APBB1IP: variants seen among roughly 807,000 people sequenced by gnomAD.
The protein encoded by APBB1IP is amyloid beta A4 precursor protein-binding family B member 1-interacting protein.
Under a neutral mutation model 64.9 loss-of-function variants are expected in APBB1IP, and 27 were observed. That is an observed-to-expected ratio of 0.42 (90% CI 0.31 to 0.57). The LOEUF (loss-of-function observed/expected upper bound fraction) is 0.57, where lower values mean the gene tolerates loss of function less well. APBB1IP is among the 20% of genes least tolerant of loss of function. The pLI, the probability that APBB1IP is intolerant of heterozygous loss-of-function variation, is 0.20. For synonymous variants in APBB1IP, 392 were observed against 331.0 expected (o/e 1.18, Z -2.00); for missense variants, 812 against 845.5 (o/e 0.96, Z 0.49).
Position 26,533,545 on chromosome 10 carries a change from G to C in APBB1IP, c.900+20G>C. 1 of 1,526,990 alleles carries C rather than the reference G, an allele frequency of 6.5e-7. No homozygotes were observed. The highest frequency in any genetic ancestry group is 8.9e-7 in the Non-Finnish European group (1 of 1,126,028). The allele number at this position is 1,526,990 out of a possible 1,614,324, so 94.6% of individuals were successfully genotyped here. On this transcript the variant is annotated intron_variant, in intron 9 of 14. Transcript: ENST00000376236. ...CTTGAGGTAAGGTTAATTTTGCAGA[G>C]TGGAAGAAAAGAGAAGGACGTTTGC...
At chr10:26,448,030 TAATAA>T (rs1237662222) in intron 2 of APBB1IP, among the ~76,000 whole-genome samples, 2 of 152,214 alleles carry the variant, frequency 1.3e-5, no homozygotes, top group African/African-American at 4.8e-5. Context: ...ATATTTCATT[TAATAA>T]AATAAACTAT....
chr10:26,525,028 C>T (rs1159948013), intron 8 of APBB1IP, among the ~76,000 whole-genome samples: 2 of 140,262 alleles, frequency 1.4e-5, no homozygotes, highest in Non-Finnish European at 3.0e-5. Flanking sequence ...GTGGCTCACA[C>T]CTGTAATCCC....
At chr10:26,459,765 G>A (rs532479300) in intron 2 of APBB1IP, among the ~76,000 whole-genome samples, 2 of 152,178 alleles carry the variant, frequency 1.3e-5, no homozygotes, top group Non-Finnish European at 2.9e-5. Flanking sequence ...ATCTTGGTCA[G>A]AGAATGTGGC....
At chr10:26,524,105 C>T (rs1836439976) in intron 8 of APBB1IP, among the ~76,000 whole-genome samples, 5 of 152,078 alleles carry the variant, frequency 3.3e-5, no homozygotes, top group Admixed American at 3.3e-4. Context: ...ATCTCTGTGA[C>T]CTTCTCCCAC....
intron 13 of APBB1IP, 136 bp from the exon 14 acceptor site, chr10:26,562,189 TG>T: frequency 1.5e-6 from 1 of 667,928 alleles, no homozygotes; most frequent in Non-Finnish European, 2.6e-6. Context: ...TTTTTATTTT[TG>T]TTTTTTTTGT....
intron 2 of APBB1IP, among the ~76,000 whole-genome samples, chr10:26,455,763 C>T (rs1414039017): frequency 2.0e-5 from 3 of 152,040 alleles, no homozygotes; most frequent in South Asian, 4.1e-4. Context: ...AAGTTAAATA[C>T]TTACAGAGTT....
chr10:26,478,946 A>T (rs1175379685), intron 2 of APBB1IP, among the ~76,000 whole-genome samples: 1 of 152,212 alleles, frequency 6.6e-6, no homozygotes, highest in African/African-American at 2.4e-5. Flanking sequence ...TGTCAATGAA[A>T]AATTAAGGAC....
At chr10:26,543,194 C>T (rs1039120068) in intron 11 of APBB1IP, among the ~76,000 whole-genome samples, 7 of 151,786 alleles carry the variant, frequency 4.6e-5, no homozygotes, top group Non-Finnish European at 7.4e-5. Context: ...CGGCCGGGCA[C>T]GGTGGCTCAC....
chr10:26,517,475 G>C (rs1836346697), intron 8 of APBB1IP, among the ~76,000 whole-genome samples: 1 of 152,184 alleles, frequency 6.6e-6, no homozygotes, highest in Non-Finnish European at 1.5e-5. Flanking sequence ...GTCTCGCTCT[G>C]TTGCCCAGCC....
intron 2 of APBB1IP, among the ~76,000 whole-genome samples, chr10:26,468,558 T>A (rs141986097): frequency 2.5e-3 from 379 of 152,342 alleles, no homozygotes; most frequent in African/African-American, 8.8e-3. Flanking sequence ...GGGTTCCCTG[T>A]TTCTCTAGGT....
Position 26,500,935 on chromosome 10 carries a change from C to A in APBB1IP, c.277C>A (p.Gln93Lys). 1 of 1,614,164 alleles carries A rather than the reference C, an allele frequency of 6.2e-7. No homozygotes were observed. Among genetic ancestry groups the A allele is most frequent in the Admixed American group, 1.7e-5 (1 of 60,020 alleles). Reference protein sequence around the residue: ...IQAQKESLQNQHHSASLQASI... With the variant: ...IQAQKESLQNKHHSASLQASI... Reference sequence around the variant, plus strand: ...GGCACAGAAAGAGTCCTTGCAGAATCAACATCATTCAGCATCTCTACAAGC... The same window carrying A: ...GGCACAGAAAGAGTCCTTGCAGAATAAACATCATTCAGCATCTCTACAAGC... Residue 93 changes from glutamine to lysine, a missense_variant, in exon 5 of 15, where the codon CAA becomes AAA. Around this residue, in one of 3 missense-constraint regions of APBB1IP, gnomAD observed 394 missense variants for 413.1 expected, o/e 0.95. Coordinates refer to ENST00000376236, the MANE Select transcript of APBB1IP (RefSeq NM_019043.4).
intron 2 of APBB1IP, among the ~76,000 whole-genome samples, chr10:26,476,389 G>T (rs1161387931): frequency 7.4e-6 from 1 of 135,712 alleles, no homozygotes; most frequent in African/African-American, 2.8e-5. Context: ...CAAGGCTGCA[G>T]TGAGCTCTGA....
chr10:26,544,780 T>C (rs1836739971), intron 11 of APBB1IP, among the ~76,000 whole-genome samples: 1 of 152,244 alleles, frequency 6.6e-6, no homozygotes, highest in Non-Finnish European at 1.5e-5. Context: ...TTGAACGGTC[T>C]GACCTAGAAC....
At chr10:26,526,400 T>G (rs187824305) in intron 8 of APBB1IP, among the ~76,000 whole-genome samples, 1 of 152,302 alleles carries the variant, frequency 6.6e-6, no homozygotes, top group East Asian at 1.9e-4. Flanking sequence ...TTTTTATTTA[T>G]TCTAATAACT....
At chr10:26,551,332 G>A (rs1214737368) in intron 11 of APBB1IP, among the ~76,000 whole-genome samples, 1 of 152,152 alleles carries the variant, frequency 6.6e-6, no homozygotes, top group Non-Finnish European at 1.5e-5. Flanking sequence ...TGTGAGTCCG[G>A]GGGGACTTTC....
intron 4 of APBB1IP, among the ~76,000 whole-genome samples, chr10:26,499,885 A>G (rs576496437): frequency 1.5e-4 from 23 of 152,114 alleles, no homozygotes; most frequent in Admixed American, 2.6e-4. Flanking sequence ...ACTCCTTGCC[A>G]CCTATGGTGT....
At chr10:26,507,709 C>T (rs1002872948) in intron 6 of APBB1IP, among the ~76,000 whole-genome samples, 7 of 152,134 alleles carry the variant, frequency 4.6e-5, no homozygotes, top group African/African-American at 1.7e-4. Context: ...AGTAAACTTT[C>T]TAATTAGACT....
chr10:26,452,149 G>GAT (rs1835472008), intron 2 of APBB1IP, among the ~76,000 whole-genome samples: 1 of 92,616 alleles, frequency 1.1e-5, no homozygotes, highest in Non-Finnish European at 2.4e-5. Flanking sequence ...CATATTCTTA[G>GAT]ACAAAAAAAA....
At chr10:26,563,222 G>A (rs953469113) in intron 14 of APBB1IP, among the ~76,000 whole-genome samples, 5 of 151,850 alleles carry the variant, frequency 3.3e-5, no homozygotes, top group East Asian at 1.9e-4. Flanking sequence ...GCACAGTGGT[G>A]AGCACCTGTA....
Sources: gnomAD v4.1 joint callset for allele counts (sites outside exome capture counted in the v4.1 genomes callset) on GRCh38, gnomAD v4.1.1 for gene constraint, gnomAD v4.1.1 regional missense constraint, MANE v1.5 for transcripts, NCBI Gene and HGNC (gene_info 2026-07-23, HGNC 2026-07-21) for gene names.